Variants in AHNAK observed in about 807,000 individuals in gnomAD.
AHNAK encodes neuroblast differentiation-associated protein AHNAK.
In AHNAK, 23 loss-of-function variants were observed where a neutral mutation model predicts 37.8. That is an observed-to-expected ratio of 0.61 (90% CI 0.44 to 0.86). The LOEUF (loss-of-function observed/expected upper bound fraction) is 0.86. Ranked by LOEUF, AHNAK falls within the 40% of genes least tolerant of loss-of-function variation. The pLI is 0.00. For missense variants in AHNAK, 7,411 were observed against 7,319.4 expected, an observed-to-expected ratio of 1.01 and a Z score of -0.46; for synonymous variants, 2,481 against 2,636.3, an observed-to-expected ratio of 0.94 and a Z score of 1.80.
intron 5 of AHNAK, among the ~76,000 whole-genome samples, chr11:62,473,680 G>A (rs1248506437): frequency 9.4e-5 from 2 of 21,382 alleles, no homozygotes; most frequent in African/African-American, 4.9e-4. Flanking sequence ...GCAAGACTCC[G>A]TCTCAAAAAA....
rs773070858 is a variant in AHNAK, at chr11:62,517,136, C to A, written c.17281G>T (p.Ala5761Ser). 23 of 1,613,070 alleles carry A rather than the reference C, an allele frequency of 1.4e-5. 2 individuals are homozygous for A. The South Asian group carries it at 2.5e-4, about 18-fold the overall frequency. The change falls in exon 5 of 5, where the codon GCC becomes TCC. Residue 5761 changes from alanine to serine, a missense_variant. Physicochemically the swap from Ala to Ser is moderately conservative, Grantham distance 99. Transcript: ENST00000378024. Reference protein sequence around the residue: ...GSLEGEAEAEASSPKGKFSLF... With the variant: ...GSLEGEAEAESSSPKGKFSLF... Reference sequence around the variant, plus strand: ...GAGAATTTGCCTTTCGGTGAAGAGGCTTCGGCCTCTGCCTCTCCTTCCAGA... The same window carrying A: ...GAGAATTTGCCTTTCGGTGAAGAGGATTCGGCCTCTGCCTCTCCTTCCAGA...
chr11:62,491,157 T>C (rs769845588), intron 5 of AHNAK, among the ~76,000 whole-genome samples: 2 of 152,308 alleles, frequency 1.3e-5, no homozygotes, highest in East Asian at 3.9e-4. Flanking sequence ...GCCAGAAACA[T>C]GGCTACGGCC....
Position 62,529,193 on chromosome 11 carries a change from C to G in AHNAK, c.5224G>C (p.Asp1742His). The part of the protein sequence containing the change: ...VDVNLPKADI[D>H]VSGPSVDTDA... ...GTGTCCACACTGGGTCCAGACACATCAATGTCAGCCTTTGGCAGATTCACA... is the reference window on the plus strand; with the variant it reads ...GTGTCCACACTGGGTCCAGACACATGAATGTCAGCCTTTGGCAGATTCACA... The change falls in exon 5 of 5, where the codon GAT becomes CAT. Residue 1742 changes from aspartate (D) to histidine (H), a missense_variant. Physicochemically the swap from Asp to His is moderately conservative, Grantham distance 81 (BLOSUM62 -1). Transcript: ENST00000378024. 6.2e-7 allele frequency: 1 copy of G among 1,614,210 alleles called. No homozygotes were observed. Among genetic ancestry groups the G allele is most frequent in the Non-Finnish European group, 8.5e-7 (1 of 1,180,038 alleles).
In AHNAK at chr11:62,525,503, G is replaced by T. The variant is rs1274346439; in HGVS notation, c.8914C>A (p.Leu2972Met). Residue 2972 changes from leucine (L) to methionine (M), a missense_variant, in exon 5 of 5, where the codon CTG (leucine) becomes ATG (methionine). Coordinates refer to ENST00000378024, the MANE Select transcript of AHNAK (RefSeq NM_001620.3). ...KIPMPDFDLH[L>M]KGPKVKGDVD... The stretch of plus-strand genomic sequence containing the variant: ...TCGCCCTTCACCTTGGGACCTTTCA[G>T]ATGCAAATCAAAGTCAGGCATGGGG... 1.2e-6 allele frequency: 2 copies of T among 1,613,508 alleles called. No individual in the cohort carries two copies. Among genetic ancestry groups the T allele is most frequent in the Non-Finnish European group, 1.7e-6 (2 of 1,179,952 alleles).
In AHNAK at chr11:62,529,101, G is replaced by A. The variant is rs1940625707; in HGVS notation, c.5316C>T (p.Pro1772=). Residue 1772 remains proline (P), a synonymous_variant, in exon 5 of 5, where the codon CCC becomes CCT. Coordinates refer to ENST00000378024, the MANE Select transcript of AHNAK (RefSeq NM_001620.3). ...GKLKGSKFKM[P]KLNIKAPKVS... is the part of the protein sequence containing the mutation. The stretch of plus-strand genomic sequence containing the variant: ...CCTTGGGAGCTTTTATATTCAACTT[G>A]GGCATCTTAAATTTGGAGCCTTTCA... 1.2e-6 allele frequency: 2 copies of A among 1,613,718 alleles called. No homozygotes were observed. Among genetic ancestry groups the A allele is most frequent in the African/African-American group, 2.7e-5 (2 of 74,854 alleles).
In AHNAK at chr11:62,520,382, C is replaced by T. The variant is rs770398026; in HGVS notation, c.14035G>A (p.Ala4679Thr). ...GPDVDVNLPK[A>T]DIDVSGPKVD... The stretch of plus-strand genomic sequence containing the variant: ...TTGGGTCCTGAGACATCAATGTCAG[C>T]CTTGGGCAGGTTCACATCCACATCT... The change falls in exon 5 of 5, where the codon GCT becomes ACT. Residue 4679 changes from alanine (A) to threonine (T), a missense_variant. Coordinates refer to ENST00000378024, the MANE Select transcript of AHNAK (RefSeq NM_001620.3). 3.1e-6 allele frequency: 5 copies of T among 1,613,154 alleles called. No individual in the cohort carries two copies. The highest frequency in any genetic ancestry group is 4.2e-6 in the Non-Finnish European group (5 of 1,179,882).
intron 4 of AHNAK, chr11:62,491,840 G>C: frequency 6.2e-7 from 1 of 1,605,980 alleles, no homozygotes; most frequent in Non-Finnish European, 8.5e-7. Context: ...TTCTAACAAG[G>C]ATAAAGATTA....
At chr11:62,453,967 C>G (rs1277344558) in intron 5 of AHNAK, among the ~76,000 whole-genome samples, 1 of 151,926 alleles carries the variant, frequency 6.6e-6, no homozygotes, top group Non-Finnish European at 1.5e-5. Context: ...ATTAGCCAGG[C>G]ATGGTGGCAT....
At position 62,530,043 on chromosome 11, in the gene AHNAK, C is replaced by T. The variant is rs1940670779; in HGVS notation, c.4374G>A (p.Leu1458=). 6.2e-7 allele frequency: 1 copy of T among 1,613,910 alleles called. No individual in the cohort carries two copies. The highest frequency in any genetic ancestry group is 8.5e-7 in the Non-Finnish European group (1 of 1,179,970). Residue 1458 remains leucine (L), a synonymous_variant, in exon 5 of 5, where the codon TTG becomes TTA. Transcript: ENST00000378024. ...CTTTCATTTTAGGACCTTTCAAATG[C>T]AAACCAACATCTGGTATGGATATCT... ...PQKISIPDVG[L]HLKGPKMKGD...
intron 5 of AHNAK, among the ~76,000 whole-genome samples, chr11:62,469,055 G>A (rs773604493): frequency 9.9e-5 from 15 of 152,154 alleles, no homozygotes; most frequent in Non-Finnish European, 1.9e-4. Flanking sequence ...GGTCTCAAGC[G>A]ATCCTCCCAC....
chr11:62,538,036 G>C (rs1050991354), intron 1 of AHNAK, among the ~76,000 whole-genome samples: 1 of 151,992 alleles, frequency 6.6e-6, no homozygotes, highest in Non-Finnish European at 1.5e-5. Flanking sequence ...CTTGTAACAG[G>C]TGGGAGCCTC....
Position 62,522,039 on chromosome 11 carries a change from T to C in AHNAK, c.12378A>G (p.Ala4126=), listed in dbSNP as rs775807043. Residue 4126 remains alanine, a synonymous_variant, in exon 5 of 5, where the codon GCA becomes GCG. Transcript: ENST00000378024. ...CAACTTCAGGCATAGAGATCTTCGG[T>C]GCCTTGAGGTGCAGGTCAGGCATTT... is the stretch of plus-strand genomic sequence containing the variant. ...KFKMPDLHLK[A]PKISMPEVDL... The C allele has an allele frequency of 1.2e-6, 2 of 1,613,820 alleles. No homozygotes were observed. The highest frequency in any genetic ancestry group is 2.7e-5 in the African/African-American group (2 of 74,820).
intron 4 of AHNAK, among the ~76,000 whole-genome samples, chr11:62,496,215 A>G (rs1272907510): frequency 6.6e-6 from 1 of 152,180 alleles, no homozygotes; most frequent in Non-Finnish European, 1.5e-5. Context: ...GTTTTCTGAT[A>G]CAAATACAAA....
Position 62,520,944 on chromosome 11 carries a change from T to C in AHNAK, c.13473A>G (p.Pro4491=). ...LPKVESDLKG[P]EVDIEGPEGK... The stretch of plus-strand genomic sequence containing the variant: ...CTTCAGGACCTTCAATGTCTACCTC[T>C]GGCCCTTTCAGATCACTTTCCACCT... The change falls in exon 5 of 5, where the codon CCA becomes CCG. Residue 4491 remains proline (P), a synonymous_variant. Transcript: ENST00000378024. 6.2e-7 allele frequency: 1 copy of C among 1,614,184 alleles called. No individual in the cohort carries two copies. The highest frequency in any genetic ancestry group is 8.5e-7 in the Non-Finnish European group (1 of 1,180,038).
rs1940521083 is a variant in AHNAK at position 62,527,105 on chromosome 11, C to T, written c.7312G>A (p.Gly2438Ser). The change falls in exon 5 of 5, where the codon GGC becomes AGC. Residue 2438 changes from glycine (G) to serine (S), a missense_variant. Coordinates refer to ENST00000378024, the MANE Select transcript of AHNAK (RefSeq NM_001620.3). ...ATATCAGGCATCTTGAACTTAGGGCCTTTCAATTTGCCCTCTGGTCCCTCA... is the reference window on the plus strand; with the variant it reads ...ATATCAGGCATCTTGAACTTAGGGCTTTTCAATTTGCCCTCTGGTCCCTCA... Reference protein sequence around the residue: ...DIEGPEGKLKGPKFKMPDMHF... With the variant: ...DIEGPEGKLKSPKFKMPDMHF... 1 of 1,614,126 alleles carries T rather than the reference C, an allele frequency of 6.2e-7. No individual in the cohort carries two copies. The highest frequency in any genetic ancestry group is 2.2e-5 in the East Asian group (1 of 44,880).
intron 5 of AHNAK, among the ~76,000 whole-genome samples, chr11:62,490,898 C>T (rs1053761049): frequency 6.6e-6 from 1 of 152,146 alleles, no homozygotes; most frequent in Non-Finnish European, 1.5e-5. Flanking sequence ...AGCAATTCTC[C>T]TGTCTCAGCC....
In AHNAK at chr11:62,523,044, T is replaced by A. The variant is rs1425089406; in HGVS notation, c.11373A>T (p.Pro3791=). 6.2e-7 allele frequency: 1 copy of A among 1,614,088 alleles called. No homozygotes were observed. ...AGTCTGGGCCTTGAACATCAACATCTGGAGCATTAATGTCCACTTTGGGGC... is the reference window on the plus strand; with the variant it reads ...AGTCTGGGCCTTGAACATCAACATCAGGAGCATTAATGTCCACTTTGGGGC... ...IKGPKVDINA[P]DVDVQGPDWH... The change falls in exon 5 of 5, where the codon CCA becomes CCT. Residue 3791 remains proline, a synonymous_variant. Transcript: ENST00000378024.
In AHNAK at chr11:62,530,416, C is replaced by T; in HGVS notation, c.4001G>A (p.Gly1334Glu). 6.2e-7 allele frequency: 1 copy of T among 1,614,012 alleles called. No individual in the cohort carries two copies. Among genetic ancestry groups the T allele is most frequent in the South Asian group, 1.1e-5 (1 of 91,072 alleles). Residue 1334 changes from glycine to glutamate, a missense_variant, in exon 5 of 5, where the codon GGG becomes GAG. Gly to Glu is a moderately conservative substitution (Grantham distance 98). Transcript: ENST00000378024. ...SMPDVDLNLK[G>E]PKLKGDVDVS... ...ATCCACATCTCCCTTCAATTTTGGCCCCTTAAGATTCAGGTCCACATCAGG... is the reference window on the plus strand; with the variant it reads ...ATCCACATCTCCCTTCAATTTTGGCTCCTTAAGATTCAGGTCCACATCAGG...
chr11:62,542,513 G>T lies in AHNAK; in HGVS notation c.-100+4147C>A, dbSNP rs150831597. On this transcript the variant is annotated intron_variant, in intron 1 of 4. Coordinates refer to ENST00000378024, the MANE Select transcript of AHNAK (RefSeq NM_001620.3). ...AGCCCTTACACCCCAACCTCAGCCA[G>T]CTGGTTGCTTTCTGACTCTGCTGTG... Among the ~76,000 whole-genome samples the T allele has an allele frequency of 3.9e-4, 57 of 147,926 alleles. No individual in the cohort carries two copies. The East Asian group carries it at 9.6e-3, about 25-fold the overall frequency.
Sources: allele counts gnomAD v4.1 joint callset (sites outside exome capture counted in the v4.1 genomes callset), GRCh38; gene constraint gnomAD v4.1.1; transcripts MANE v1.5; gene names NCBI Gene and HGNC (gene_info 2026-07-23, HGNC 2026-07-21).